The following AKNA variants were observed in gnomAD, a reference collection of about 807,000 sequenced individuals.
AKNA encodes microtubule organization protein AKNA.
AKNA carries 67 observed loss-of-function variants against 138.8 expected under a neutral mutation model. The observed-to-expected ratio is 0.48, with a 90% CI of 0.40 to 0.59. AKNA has a LOEUF of 0.59. Ranked by LOEUF, AKNA falls within the 20% of genes least tolerant of loss-of-function variation. The pLI is 0.00. For synonymous variants in AKNA, 737 were observed against 754.4 expected (o/e 0.98, Z 0.38); for missense variants, 1,813 against 1,880.4 (o/e 0.96, Z 0.66).
At chr9:114,348,962 T>C (rs1830907769) in intron 15 of AKNA, 1 of 456,136 alleles carries the variant, frequency 2.2e-6, no homozygotes, top group South Asian at 1.5e-5. Context: ...GATGACTGTG[T>C]CAGAAGGAGT....
At chr9:114,389,509 G>A (rs573182424), upstream of AKNA, among the ~76,000 whole-genome samples, 1 of 152,188 alleles carries the variant, frequency 6.6e-6, no homozygotes, top group East Asian at 1.9e-4. Context: ...GAGGCTTCAC[G>A]TCTCTAAGCC....
chr9:114,379,729 T>C (rs145547192), intron 2 of AKNA, among the ~76,000 whole-genome samples: 1 of 152,230 alleles, frequency 6.6e-6, no homozygotes, highest in African/African-American at 2.4e-5. Flanking sequence ...AAAAGCAAGA[T>C]TCAGGCAGAA....
chr9:114,382,710 C>T (rs1310663863), intron 1 of AKNA, among the ~76,000 whole-genome samples: 1 of 151,916 alleles, frequency 6.6e-6, no homozygotes, highest in Non-Finnish European at 1.5e-5. Flanking sequence ...AAACATTATG[C>T]TAAGTGAAAG....
chr9:114,374,307 C>G (rs902458364), intron 3 of AKNA, 140 bp from the exon 4 acceptor site: 3 of 816,578 alleles, frequency 3.7e-6, no homozygotes, highest in Non-Finnish European at 6.0e-6. Context: ...GGGATCCGAG[C>G]TGAGCAATCT....
At chr9:114,366,081 C>A (rs994109480) in intron 6 of AKNA, among the ~76,000 whole-genome samples, 8 of 152,148 alleles carry the variant, frequency 5.3e-5, no homozygotes, top group African/African-American at 1.7e-4. Flanking sequence ...GAGCTCAAGA[C>A]CAGCCTGGCC....
intron 11 of AKNA, 173 bp downstream of exon 11, chr9:114,359,421 A>T: frequency 7.7e-7 from 1 of 1,303,056 alleles, no homozygotes. Context: ...CATGTCCCAC[A>T]CTACCCAAAA....
chr9:114,392,104 CA>C (rs61619495), upstream of AKNA, among the ~76,000 whole-genome samples: 793 of 86,574 alleles, frequency 9.2e-3, 11 homozygotes, highest in Admixed American at 0.047. Context: ...AGACGCTTGT[CA>C]AAAAAAAAAA....
chr9:114,343,325 C>G (rs1045103233), intron 19 of AKNA, among the ~76,000 whole-genome samples: 1 of 152,194 alleles, frequency 6.6e-6, no homozygotes, highest in Admixed American at 6.5e-5. Context: ...AGTGGCAGAA[C>G]TGGGACTAGA....
chr9:114,364,586 G>A lies in AKNA; in HGVS notation c.1762C>T (p.Arg588Cys), dbSNP rs199833455. Residue 588 changes from arginine (R) to cysteine (C), a missense_variant, in exon 7 of 22, where the codon CGT (arginine) becomes TGT (cysteine). Coordinates refer to ENST00000374088, the MANE Select transcript of AKNA (RefSeq NM_001317950.2). Reference sequence around the variant, plus strand: ...TTGACTTGGTCCTGGGGCATGAGACGTCCTGCCTGTATCAGTCTTTCAAAG... The same window carrying A: ...TTGACTTGGTCCTGGGGCATGAGACATCCTGCCTGTATCAGTCTTTCAAAG... ...ESFERLIQAG[R>C]LMPQDQVKGF... 17 of 1,613,924 alleles carry A rather than the reference G, an allele frequency of 1.1e-5. No homozygotes were observed. Among genetic ancestry groups the A allele is most frequent in the East Asian group, 2.2e-5 (1 of 44,878 alleles).
rs902492 is a variant in AKNA, at chr9:114,346,691, C to T, written c.3492G>A (p.Arg1164=). ...TACTCAGGGACAGTCGGAGCACCTCCCGAGGCACTGAGGAAGACCTGGCTC... is the reference window on the plus strand; with the variant it reads ...TACTCAGGGACAGTCGGAGCACCTCTCGAGGCACTGAGGAAGACCTGGCTC... ...RQRARSSSVP[R]EVLRLSLSSE... is the part of the protein sequence containing the mutation. Residue 1164 remains arginine, a synonymous_variant, in exon 17 of 22, where the codon CGG becomes CGA. Transcript: ENST00000374088. The T allele has an allele frequency of 0.022, 34,786 of 1,611,616 alleles. 3,920 individuals are homozygous for T. In the African/African-American group the frequency reaches 0.31, roughly 14 times the overall value.
At chr9:114,340,422 CCTT>C (rs774776304) in intron 21 of AKNA, among the ~76,000 whole-genome samples, 27 of 152,320 alleles carry the variant, frequency 1.8e-4, no homozygotes, top group Admixed American at 3.9e-4. Flanking sequence ...CACTTTTACT[CCTT>C]CTTCTTCCTA....
chr9:114,362,177 C>G (rs1397734964), intron 8 of AKNA, among the ~76,000 whole-genome samples: 1 of 152,196 alleles, frequency 6.6e-6, no homozygotes, highest in Non-Finnish European at 1.5e-5. Flanking sequence ...CTCAGTTTCC[C>G]CATCATCCAA....
At chr9:114,367,076 C>A (rs1271390685) in intron 6 of AKNA, among the ~76,000 whole-genome samples, 1 of 152,188 alleles carries the variant, frequency 6.6e-6, no homozygotes, top group Non-Finnish European at 1.5e-5. Context: ...AACAGACCTG[C>A]AAACAATTCA....
downstream of AKNA, chr9:114,331,575 C>G (rs201320192): frequency 2.0e-5 from 33 of 1,613,354 alleles, no homozygotes; most frequent in South Asian, 3.5e-4. Flanking sequence ...AGAGGGAGGC[C>G]GAGAACATGT....
upstream of AKNA, among the ~76,000 whole-genome samples, chr9:114,397,700 C>T (rs185063696): frequency 1.1e-4 from 16 of 152,330 alleles, no homozygotes; most frequent in South Asian, 2.1e-4. Context: ...CTCTGCGCCT[C>T]CCTGCTGTGC....
At chr9:114,350,595 G>C (rs1358647927) in intron 15 of AKNA, among the ~76,000 whole-genome samples, 2 of 152,232 alleles carry the variant, frequency 1.3e-5, no homozygotes, top group Non-Finnish European at 2.9e-5. Context: ...AGATGATGGA[G>C]AGAGAGGGCA....
chr9:114,339,574 G>A (rs1449015044), intron 21 of AKNA, among the ~76,000 whole-genome samples: 1 of 152,222 alleles, frequency 6.6e-6, no homozygotes, highest in Non-Finnish European at 1.5e-5. Flanking sequence ...CCACAGGCCT[G>A]AGCCTGGAAG....
At position 114,385,748 on chromosome 9, in the gene AKNA, T is replaced by C. The variant is rs899785416; in HGVS notation, c.-114+2112A>G. ...TCCTGAGCCAGGCCTCTGCCTTCCA[T>C]GCGAGCCATGGCCCTCCTCACCACA... On this transcript the variant is annotated intron_variant, in intron 1 of 21. Coordinates refer to ENST00000374088, the MANE Select transcript of AKNA (RefSeq NM_001317950.2). Among the ~76,000 whole-genome samples the C allele has an allele frequency of 2.6e-5, 4 of 152,168 alleles. 1 individual carries two copies. The South Asian group carries it at 8.3e-4, about 31-fold the overall frequency.
Position 114,341,534 on chromosome 9 carries a change from C to T in AKNA, c.4066G>A (p.Val1356Met). Residue 1356 changes from valine to methionine, a missense_variant and splice_region_variant, in exon 21 of 22, where the codon GTG (valine) becomes ATG (methionine). Coordinates refer to ENST00000374088, the MANE Select transcript of AKNA (RefSeq NM_001317950.2). Reference protein sequence around the residue: ...VPIMPYPPAAVYYAPAGPTSA... With the variant: ...VPIMPYPPAAMYYAPAGPTSA... The stretch of plus-strand genomic sequence containing the variant: ...GAAGGTCAGAATGAAGGCTCTTACA[C>T]AGCGGCAGGTGGATAAGGCATGATG... The T allele has an allele frequency of 6.2e-7, 1 of 1,614,014 alleles. No homozygotes were observed. The highest frequency in any genetic ancestry group is 8.5e-7 in the Non-Finnish European group (1 of 1,180,000).
Sources: allele counts gnomAD v4.1 joint callset (sites outside exome capture counted in the v4.1 genomes callset), GRCh38; gene constraint gnomAD v4.1.1; transcripts MANE v1.5; gene names NCBI Gene and HGNC (gene_info 2026-07-23, HGNC 2026-07-21).